Variants in PDE4D observed in about 807,000 individuals in gnomAD.
PDE4D encodes the protein 3',5'-cyclic-AMP phosphodiesterase 4D.
A neutral mutation model predicts 87.4 loss-of-function variants in PDE4D; 24 were observed. That is an observed-to-expected ratio of 0.27 (90% CI 0.20 to 0.39). PDE4D has a LOEUF of 0.39. PDE4D is among the 10% of genes least tolerant of loss of function. The pLI is 1.00. For synonymous variants in PDE4D, 384 were observed against 383.2 expected (o/e 1.00, Z -0.02); for missense variants, 714 against 1,041.0 (o/e 0.69, Z 4.32).
At chr5:59,008,495 T>C (rs1464867088) in intron 6 of PDE4D, among the ~76,000 whole-genome samples, 1 of 152,088 alleles carries the variant, frequency 6.6e-6, no homozygotes, top group Non-Finnish European at 1.5e-5. Flanking sequence ...AGAGAAATGA[T>C]ATTCTTTTCA....
chr5:60,435,556 T>C (rs2150123378), intron 1 of PDE4D, among the ~76,000 whole-genome samples: 1 of 152,234 alleles, frequency 6.6e-6, no homozygotes, highest in East Asian at 1.9e-4. Flanking sequence ...CTATGGAGCA[T>C]GTAGCTTTCA....
intron 1 of PDE4D, among the ~76,000 whole-genome samples, chr5:59,853,288 C>T (rs1744950412): frequency 6.6e-6 from 1 of 151,928 alleles, no homozygotes; most frequent in Non-Finnish European, 1.5e-5. Context: ...AATTTAATGT[C>T]TGTAAAATTA....
chr5:60,321,213 G>A (rs1036990348), intron 1 of PDE4D, among the ~76,000 whole-genome samples: 3 of 152,130 alleles, frequency 2.0e-5, no homozygotes, highest in Non-Finnish European at 4.4e-5. Context: ...TAGACCAATG[G>A]AACAGACTAG....
At chr5:59,762,580 G>A (rs559099634) in intron 1 of PDE4D, among the ~76,000 whole-genome samples, 43 of 130,594 alleles carry the variant, frequency 3.3e-4, no homozygotes, top group Admixed American at 6.9e-4. Context: ...ATGTGTATAT[G>A]GGTACACATA....
intron 2 of PDE4D, among the ~76,000 whole-genome samples, chr5:60,178,572 T>C (rs1784129071): frequency 6.6e-6 from 1 of 152,146 alleles, no homozygotes; most frequent in African/African-American, 2.4e-5. Context: ...TCTTGGTATG[T>C]TCAAATAGAA....
intron 1 of PDE4D, among the ~76,000 whole-genome samples, chr5:60,474,018 A>G (rs914071269): frequency 2.7e-5 from 4 of 147,724 alleles, no homozygotes; most frequent in Admixed American, 6.8e-5. Flanking sequence ...GTCATCACTC[A>G]GATCCACCCA....
chr5:59,407,252 C>T (rs1474190200), intron 1 of PDE4D, among the ~76,000 whole-genome samples: 1 of 152,184 alleles, frequency 6.6e-6, no homozygotes, highest in Non-Finnish European at 1.5e-5. Context: ...CTTGCTCCCC[C>T]TATTGCCACG....
chr5:58,993,931 CA>C (rs1453329471), intron 6 of PDE4D, among the ~76,000 whole-genome samples: 1 of 152,018 alleles, frequency 6.6e-6, no homozygotes. Flanking sequence ...TGTTGCCATA[CA>C]ATAAAACATG....
At chr5:60,071,631 G>C (rs1042963807) in intron 2 of PDE4D, among the ~76,000 whole-genome samples, 1 of 152,088 alleles carries the variant, frequency 6.6e-6, no homozygotes, top group Admixed American at 6.6e-5. Context: ...ACATGTGCAA[G>C]TTTGTTATAT....
At chr5:60,255,804 CACA>C (rs71606627) in intron 1 of PDE4D, among the ~76,000 whole-genome samples, 23 of 151,034 alleles carry the variant, frequency 1.5e-4, no homozygotes, top group African/African-American at 3.2e-4. Flanking sequence ...ACTCTATCTC[CACA>C]ACAACAACAA....
intron 1 of PDE4D, among the ~76,000 whole-genome samples, chr5:60,364,330 G>T (rs1027565743): frequency 6.6e-6 from 1 of 152,150 alleles, no homozygotes; most frequent in Non-Finnish European, 1.5e-5. Flanking sequence ...ACTTTAGAGG[G>T]TAGACAGTAA....
chr5:59,379,055 C>T (rs1268200586), intron 1 of PDE4D, among the ~76,000 whole-genome samples: 1 of 151,890 alleles, frequency 6.6e-6, no homozygotes, highest in East Asian at 1.9e-4. Flanking sequence ...AGTCCATGTT[C>T]AATATCAGCA....
chr5:59,786,508 T>C (rs1266484165), intron 1 of PDE4D, among the ~76,000 whole-genome samples: 1 of 152,212 alleles, frequency 6.6e-6, no homozygotes, highest in Admixed American at 6.5e-5. Context: ...CTCAGCTTCC[T>C]GAGGCTATCC....
chr5:60,468,137 C>CTTTTTT lies in PDE4D; in HGVS notation c.-90+19799_-90+19804dup, dbSNP rs570783072. Among the ~76,000 whole-genome samples the CTTTTTT allele has an allele frequency of 3.3e-4, 47 of 141,220 alleles. 1 individual carries two copies. The highest frequency in any genetic ancestry group is 6.9e-4 in the South Asian group (3 of 4,328). The allele number at this position is 141,220 out of a possible 152,430, so 92.6% of individuals were successfully genotyped here. On this transcript the variant is annotated intron_variant, in intron 1 of 16. Coordinates refer to the PDE4D transcript ENST00000502484. ...CACATCCTAACTTTCTTTCTTTTTTCTTTTTTTTTTGTTTTTTTTGAGACA... is the reference window on the plus strand; with the variant it reads ...CACATCCTAACTTTCTTTCTTTTTTCTTTTTTTTTTTTTTTTGTTTTTTTTGAGACA...
At chr5:58,979,170 T>C (rs1744512523) in intron 11 of PDE4D, among the ~76,000 whole-genome samples, 1 of 152,168 alleles carries the variant, frequency 6.6e-6, no homozygotes, top group African/African-American at 2.4e-5. Context: ...ATCTGTTGTA[T>C]GGAAGGTGCA....
At chr5:60,350,850 A>G in intron 1 of PDE4D, among the ~76,000 whole-genome samples, 1 of 152,140 alleles carries the variant, frequency 6.6e-6, no homozygotes, top group East Asian at 1.9e-4. Flanking sequence ...GACCCCAAAA[A>G]GATCCCTACT....
At chr5:60,056,812 G>A (rs1383451146) in intron 2 of PDE4D, among the ~76,000 whole-genome samples, 3 of 151,862 alleles carry the variant, frequency 2.0e-5, no homozygotes, top group South Asian at 2.1e-4. Context: ...AAGCCAGCAC[G>A]TGCACAAGTA....
intron 1 of PDE4D, among the ~76,000 whole-genome samples, chr5:59,280,391 CA>C (rs1765596248): frequency 6.6e-6 from 1 of 152,044 alleles, no homozygotes; most frequent in Non-Finnish European, 1.5e-5. Context: ...TGCATGGAGT[CA>C]GTAATGTTGA....
intron 1 of PDE4D, among the ~76,000 whole-genome samples, chr5:60,390,250 T>C (rs1762472545): frequency 6.6e-6 from 1 of 152,168 alleles, no homozygotes; most frequent in South Asian, 2.1e-4. Context: ...AGGGGGATAG[T>C]GGTGGTGACT....
Sources: gnomAD v4.1 joint callset for allele counts (sites outside exome capture counted in the v4.1 genomes callset) on GRCh38, gnomAD v4.1.1 for gene constraint, MANE v1.5 for transcripts, NCBI Gene and HGNC (gene_info 2026-07-23, HGNC 2026-07-21) for gene names.